The following MAGI2 variants were observed in gnomAD, a reference collection of about 807,000 sequenced individuals.
MAGI2 encodes the protein membrane-associated guanylate kinase, WW and PDZ domain-containing protein 2.
A neutral mutation model predicts 133.3 loss-of-function variants in MAGI2; 35 were observed. The ratio of observed to expected loss-of-function variants is 0.26; its 90% CI spans 0.20 to 0.35. The LOEUF is 0.35. Among genes scored for constraint, MAGI2 ranks in the 10% least tolerant of loss-of-function variants. The probability of loss-of-function intolerance (pLI) is 1.00; values close to 1 mark genes in which losing one functional copy is unlikely to be tolerated. For synonymous variants in MAGI2, 729 were observed against 710.6 expected, an observed-to-expected ratio of 1.03 and a Z score of -0.41; for missense variants, 1,636 against 1,863.4, an observed-to-expected ratio of 0.88 and a Z score of 2.25.
chr7:78,552,612 G>C (rs1799449161), intron 3 of MAGI2, among the ~76,000 whole-genome samples: 1 of 152,132 alleles, frequency 6.6e-6, no homozygotes, highest in Non-Finnish European at 1.5e-5. Flanking sequence ...TGGTGTGGTG[G>C]ACAAAAATGG....
In MAGI2 at chr7:78,017,277, T is replaced by C. The variant is rs1274162201; in HGVS notation, c.*2038A>G. On this transcript the variant is annotated 3_prime_UTR_variant, in exon 22 of 22. Coordinates refer to ENST00000354212, the MANE Select transcript of MAGI2 (RefSeq NM_012301.4). The stretch of plus-strand genomic sequence containing the variant: ...AAATTCACAGCTAACACTACACAAA[T>C]ATTATTTGGAATGGGATTTAGATGA... 1 of 152,622 alleles carries C rather than the reference T, an allele frequency of 6.6e-6. No individual in the cohort carries two copies. The highest frequency in any genetic ancestry group is 6.5e-5 in the Admixed American group (1 of 15,284). 9.5% of individuals were successfully genotyped at this position (152,622 alleles called of 1,614,324 possible).
intron 1 of MAGI2, among the ~76,000 whole-genome samples, chr7:79,253,317 T>C (rs559609103): frequency 9.9e-5 from 15 of 152,260 alleles, no homozygotes; most frequent in Admixed American, 2.0e-4. Flanking sequence ...TCTTTAAAAA[T>C]TGCTTTAGCA....
intron 3 of MAGI2, among the ~76,000 whole-genome samples, chr7:78,527,873 C>A (rs1160525412): frequency 6.6e-6 from 1 of 152,110 alleles, no homozygotes; most frequent in Non-Finnish European, 1.5e-5. Flanking sequence ...AACGATAGAT[C>A]CTTCCATATG....
chr7:79,078,826 T>C (rs1039640193), intron 1 of MAGI2, among the ~76,000 whole-genome samples: 2 of 152,162 alleles, frequency 1.3e-5, no homozygotes, highest in Non-Finnish European at 2.9e-5. Context: ...TATGTGTGAG[T>C]TTGCGTGCAT....
At chr7:78,754,978 G>T (rs1430888318) in intron 2 of MAGI2, among the ~76,000 whole-genome samples, 1 of 152,076 alleles carries the variant, frequency 6.6e-6, no homozygotes, top group Non-Finnish European at 1.5e-5. Flanking sequence ...TTTTCACCTT[G>T]ACGGATGGTC....
chr7:79,382,119 C>T (rs755174255), intron 1 of MAGI2, among the ~76,000 whole-genome samples: 5 of 151,552 alleles, frequency 3.3e-5, no homozygotes, highest in South Asian at 2.1e-4. Flanking sequence ...CCAGTCTCCC[C>T]TTAAGTCTTG....
intron 3 of MAGI2, among the ~76,000 whole-genome samples, chr7:78,604,937 C>G (rs1478087264): frequency 1.3e-5 from 2 of 151,974 alleles, no homozygotes; most frequent in Non-Finnish European, 2.9e-5. Flanking sequence ...CCCATACATC[C>G]CCCTCATATT....
intron 2 of MAGI2, among the ~76,000 whole-genome samples, chr7:78,821,440 A>G (rs1249992610): frequency 6.6e-6 from 1 of 152,040 alleles, no homozygotes; most frequent in Non-Finnish European, 1.5e-5. Context: ...ATAGTAAGGA[A>G]TGGAGAATGA....
At chr7:79,047,163 T>C (rs1222697177) in intron 1 of MAGI2, among the ~76,000 whole-genome samples, 1 of 152,138 alleles carries the variant, frequency 6.6e-6, no homozygotes, top group Non-Finnish European at 1.5e-5. Context: ...ATGACAAAGT[T>C]ACTATATTAG....
At chr7:79,409,890 A>G (rs180825733) in intron 1 of MAGI2, 35 of 152,256 alleles carry the variant, frequency 2.3e-4, no homozygotes, top group African/African-American at 8.4e-4. Context: ...TTCCAATAAA[A>G]TTCTGCTAAA....
chr7:79,041,700 G>A (rs1015922070), intron 1 of MAGI2, among the ~76,000 whole-genome samples: 1 of 151,978 alleles, frequency 6.6e-6, no homozygotes, highest in African/African-American at 2.4e-5. Context: ...CTAGAAATAG[G>A]CTGACACATA....
chr7:78,524,950 G>GTT (rs72412091), intron 3 of MAGI2, among the ~76,000 whole-genome samples: 31,499 of 151,438 alleles, frequency 0.21, 3,653 homozygotes, highest in Middle Eastern at 0.33. Flanking sequence ...ACACTTCAGT[G>GTT]TTTTTTTTCC....
At chr7:79,251,680 T>G (rs1174401950) in intron 1 of MAGI2, among the ~76,000 whole-genome samples, 1 of 152,160 alleles carries the variant, frequency 6.6e-6, no homozygotes, top group African/African-American at 2.4e-5. Context: ...GTTTGGAGGT[T>G]CATCAAAAAA....
At chr7:78,084,688 G>C (rs1816424221) in intron 20 of MAGI2, among the ~76,000 whole-genome samples, 1 of 152,198 alleles carries the variant, frequency 6.6e-6, no homozygotes, top group Admixed American at 6.5e-5. Context: ...AATGGAGGCT[G>C]AGTCTGAATG....
rs561590948 is a variant in MAGI2, at chr7:78,463,888, G to T, written c.1045+25873C>A. Among the ~76,000 whole-genome samples the T allele has an allele frequency of 3.3e-5, 5 of 152,234 alleles. No homozygotes were observed. In the East Asian group the frequency reaches 7.7e-4, roughly 24 times the overall value. ...GTTTGCTATAGATAATAGGAAGGAA[G>T]GGGGAATGAAAGAAGGGAGGAAGGT... is the stretch of plus-strand genomic sequence containing the variant. On this transcript the variant is annotated intron_variant, in intron 6 of 21. Coordinates refer to ENST00000354212, the MANE Select transcript of MAGI2 (RefSeq NM_012301.4).
chr7:79,453,442 C>T lies in MAGI2; in HGVS notation c.-122G>A, dbSNP rs1382405284. 20 of 1,489,864 alleles carry T rather than the reference C, an allele frequency of 1.3e-5. No homozygotes were observed. The highest frequency in any genetic ancestry group is 2.3e-5 in the East Asian group (1 of 43,454). The allele number at this position is 1,489,864 out of a possible 1,614,324, so 92.3% of individuals were successfully genotyped here. ...AAGAACAGCAGACTTTGCCTTCGCC[C>T]CCCTCTATTCGGTGCTTTCCCTCTT... On this transcript the variant is annotated 5_prime_UTR_variant, in exon 1 of 22. Coordinates refer to ENST00000354212, the MANE Select transcript of MAGI2 (RefSeq NM_012301.4).
chr7:78,023,898 G>A (rs753042918), intron 21 of MAGI2, among the ~76,000 whole-genome samples: 3 of 152,214 alleles, frequency 2.0e-5, no homozygotes, highest in Non-Finnish European at 4.4e-5. Context: ...CAGTACAGCA[G>A]TTGTTGACAT....
intron 1 of MAGI2, among the ~76,000 whole-genome samples, chr7:79,127,722 G>T (rs189915681): frequency 3.3e-5 from 5 of 152,140 alleles, no homozygotes; most frequent in Non-Finnish European, 7.3e-5. Flanking sequence ...TGAGTAGGTT[G>T]CAAAAATTTT....
intron 1 of MAGI2, among the ~76,000 whole-genome samples, chr7:79,441,401 T>C (rs944481469): frequency 6.6e-6 from 1 of 152,232 alleles, no homozygotes; most frequent in Non-Finnish European, 1.5e-5. Flanking sequence ...GGATTTTATA[T>C]TAGACAATGA....
Sources: allele counts gnomAD v4.1 joint callset (sites outside exome capture counted in the v4.1 genomes callset), GRCh38; gene constraint gnomAD v4.1.1; transcripts MANE v1.5; gene names NCBI Gene and HGNC (gene_info 2026-07-23, HGNC 2026-07-21).